The following CFAP92 variants were observed in gnomAD, a reference collection of about 807,000 sequenced individuals.
CFAP92 encodes uncharacterized protein CFAP92.
CFAP92 carries 86 observed loss-of-function variants against 106.3 expected under a neutral mutation model. The observed-to-expected ratio is 0.81, with a 90% CI of 0.68 to 0.97. CFAP92 has a LOEUF of 0.97. Among genes scored for constraint, CFAP92 ranks in the 50% least tolerant of loss-of-function variants. The pLI is 0.00. For synonymous variants in CFAP92, 477 were observed against 506.4 expected, an observed-to-expected ratio of 0.94 and a Z score of 0.78; for missense variants, 1,204 against 1,283.8, an observed-to-expected ratio of 0.94 and a Z score of 0.95.
In CFAP92 at chr3:128,945,287, G is replaced by A. The variant is rs1940091057; in HGVS notation, c.2042C>T (p.Thr681Ile). ...SLLHSLLQDITMINAKALGLD... is the reference protein window; with the variant it reads ...SLLHSLLQDIIMINAKALGLD... ...GCCGAGGGCCTTAGCGTTGATCATG[G>A]TGATGTCCTGCAGCAGGCTGTGGAG... Residue 681 changes from threonine to isoleucine, a missense_variant, in exon 10 of 16, where the codon ACC becomes ATC. Physicochemically the swap from Thr to Ile is moderately conservative, Grantham distance 89. Transcript: ENST00000645291. 1 of 1,536,164 alleles carries A rather than the reference G, an allele frequency of 6.5e-7. No homozygotes were observed. Among genetic ancestry groups the A allele is most frequent in the Non-Finnish European group, 8.7e-7 (1 of 1,146,910 alleles).
At chr3:128,985,821 G>A (rs1227155013) in intron 4 of CFAP92, among the ~76,000 whole-genome samples, 2 of 152,180 alleles carry the variant, frequency 1.3e-5, no homozygotes, top group Admixed American at 1.3e-4. Flanking sequence ...TGTAGTGTAG[G>A]TATATATATC....
intron 9 of CFAP92, among the ~76,000 whole-genome samples, chr3:128,956,434 G>C (rs1310641596): frequency 6.6e-6 from 1 of 151,768 alleles, no homozygotes; most frequent in Non-Finnish European, 1.5e-5. Flanking sequence ...CTCAAATTTG[G>C]CAAAATACAT....
chr3:128,919,888 G>T (rs1346025111), intron 12 of CFAP92, among the ~76,000 whole-genome samples: 3 of 152,264 alleles, frequency 2.0e-5, no homozygotes, highest in African/African-American at 7.2e-5. Flanking sequence ...TAGGAGTAAG[G>T]GCAAGCCTGA....
At chr3:128,912,791 G>A in intron 15 of CFAP92, 1 of 737,832 alleles carries the variant, frequency 1.4e-6, no homozygotes, top group Non-Finnish European at 2.5e-6. Flanking sequence ...TGCAGGCAGT[G>A]CTCTCTAACA....
At chr3:128,984,426 G>A (rs1037270522) in intron 4 of CFAP92, among the ~76,000 whole-genome samples, 15 of 152,258 alleles carry the variant, frequency 9.9e-5, no homozygotes, top group East Asian at 5.8e-4. Flanking sequence ...TGAGTCTTCC[G>A]GCCTTCATCT....
rs1940097523 is a variant in CFAP92 at position 128,945,331 on chromosome 3, GTC to G, written c.1996_1997del (p.Asp666LeufsTer2). 9 of 1,536,030 alleles carry G rather than the reference GTC, an allele frequency of 5.9e-6. 1 individual carries two copies. The highest frequency in any genetic ancestry group is 7.0e-6 in the Non-Finnish European group (8 of 1,146,918). On this transcript the variant is annotated frameshift_variant, in exon 10 of 16. Transcript: ENST00000645291. LOFTEE classifies it high-confidence loss of function. ...SQFGRIIFVF[D>X]FKKVSLLHSL... Reference sequence around the variant, plus strand: ...TGTGGAGCAGGGAGACCTTCTTAAAGTCAAAGACGAAGATGATGCGGCCAAAC... The same window carrying G: ...TGTGGAGCAGGGAGACCTTCTTAAAGAAAGACGAAGATGATGCGGCCAAAC...
intron 13 of CFAP92, among the ~76,000 whole-genome samples, 195 bp from the exon 14 acceptor site, chr3:128,915,758 C>T: frequency 6.6e-6 from 1 of 152,172 alleles, no homozygotes; most frequent in East Asian, 1.9e-4. Context: ...AAGCCGTTTC[C>T]TAAAGTTAAT....
intron 2 of CFAP92, 132 bp from the exon 3 acceptor site, chr3:128,989,050 G>T: frequency 1.4e-6 from 1 of 710,516 alleles, no homozygotes; most frequent in Non-Finnish European, 2.3e-6. Flanking sequence ...TGGGGAAGGA[G>T]GTACAGGTCC....
At chr3:128,948,298 G>A (rs1576476888) in intron 9 of CFAP92, among the ~76,000 whole-genome samples, 1 of 150,626 alleles carries the variant, frequency 6.6e-6, no homozygotes, top group East Asian at 2.0e-4. Flanking sequence ...GGGCTCAGCT[G>A]ATCCTCCCAC....
upstream of CFAP92, among the ~76,000 whole-genome samples, chr3:129,006,322 G>A (rs914433612): frequency 3.3e-5 from 5 of 152,084 alleles, no homozygotes; most frequent in South Asian, 2.1e-4. Context: ...TTTTTTGTTC[G>A]TTTGTTTGTT....
At chr3:129,004,912 C>G (rs1945002103), upstream of CFAP92, among the ~76,000 whole-genome samples, 1 of 152,164 alleles carries the variant, frequency 6.6e-6, no homozygotes, top group Admixed American at 6.5e-5. Context: ...AAGTCACCAC[C>G]CCTCACAGAC....
chr3:128,911,793 C>T (rs969236005), intron 15 of CFAP92, among the ~76,000 whole-genome samples: 1 of 152,222 alleles, frequency 6.6e-6, no homozygotes, highest in African/African-American at 2.4e-5. Context: ...GGAGGAGCAT[C>T]TGGTTGTACC....
chr3:128,951,725 T>C (rs1408036554), intron 9 of CFAP92, among the ~76,000 whole-genome samples: 1 of 152,138 alleles, frequency 6.6e-6, no homozygotes, highest in Non-Finnish European at 1.5e-5. Flanking sequence ...AGCAAACTTT[T>C]AGGCAAATAA....
chr3:129,019,570 A>G, the CFAP92 span, among the ~76,000 whole-genome samples: 42 of 152,178 alleles, frequency 2.8e-4, no homozygotes, highest in Non-Finnish European at 7.3e-5. Flanking sequence ...CAGTTCTGGG[A>G]AAAATGACTG....
chr3:128,982,483 T>G (rs1943594135), intron 4 of CFAP92, among the ~76,000 whole-genome samples: 3 of 152,222 alleles, frequency 2.0e-5, no homozygotes, highest in African/African-American at 7.2e-5. Flanking sequence ...GTATCAGCTA[T>G]AAGGCTGTTT....
At chr3:128,996,938 C>A (rs541523973), upstream of CFAP92, among the ~76,000 whole-genome samples, 114 of 152,346 alleles carry the variant, frequency 7.5e-4, no homozygotes, top group African/African-American at 2.6e-3. Context: ...AGATGGCATT[C>A]TCAGAGCAGG....
the CFAP92 span, among the ~76,000 whole-genome samples, chr3:129,017,863 C>T: frequency 2.6e-5 from 4 of 152,164 alleles, no homozygotes; most frequent in Non-Finnish European, 5.9e-5. Context: ...AGACATTCTG[C>T]CCACCCCCGT....
intron 9 of CFAP92, among the ~76,000 whole-genome samples, chr3:128,962,228 C>A (rs1033413150): frequency 2.6e-5 from 4 of 152,226 alleles, no homozygotes; most frequent in South Asian, 2.1e-4. Flanking sequence ...GCCGAGCTTC[C>A]GGTAACTCTC....
chr3:128,921,231 G>A (rs1937255615), intron 12 of CFAP92, among the ~76,000 whole-genome samples: 1 of 152,194 alleles, frequency 6.6e-6, no homozygotes, highest in African/African-American at 2.4e-5. Flanking sequence ...GAACACCCCA[G>A]TGAAGGAACA....
Sources: gnomAD v4.1 joint callset for allele counts (sites outside exome capture counted in the v4.1 genomes callset) on GRCh38, gnomAD v4.1.1 for gene constraint, MANE v1.5 for transcripts, NCBI Gene and HGNC (gene_info 2026-07-23, HGNC 2026-07-21) for gene names.